The following DSC2 variants were observed in gnomAD, a reference collection of about 807,000 sequenced individuals.
DSC2 encodes desmocollin-2.
A neutral mutation model predicts 87.6 loss-of-function variants in DSC2; 51 were observed. The observed-to-expected ratio is 0.58, with a 90% confidence interval of 0.46 to 0.74. The LOEUF (loss-of-function observed/expected upper bound fraction) is 0.74, where lower values mean the gene tolerates loss of function less well. Among genes scored for constraint, DSC2 ranks in the 30% least tolerant of loss-of-function variants. The pLI is 0.00. For synonymous variants in DSC2, 383 were observed against 393.2 expected (o/e 0.97, Z 0.31); for missense variants, 1,066 against 1,089.5 (o/e 0.98, Z 0.30).
At position 31,061,438 on chromosome 18, in the gene DSC2, A is replaced by G. The variant is rs575834872; in HGVS notation, c.*6577T>C. 6.6e-6 allele frequency: 1 copy of G among 152,242 alleles called. No homozygotes were observed. The highest frequency in any genetic ancestry group is 1.9e-4 in the East Asian group (1 of 5,198). 9.4% of individuals were successfully genotyped at this position (152,242 alleles called of 1,614,324 possible). ...TCCCATGCACCAACTATCACTCCAT[A>G]CGGAGGCACATCAGTGAGTATCTCT... On this transcript the variant is annotated 3_prime_UTR_variant, in exon 16 of 16. Transcript: ENST00000280904.
intron 14 of DSC2, among the ~76,000 whole-genome samples, chr18:31,070,363 G>C (rs941751909): frequency 3.3e-5 from 5 of 152,166 alleles, no homozygotes; most frequent in Non-Finnish European, 7.3e-5. Context: ...ATTGTTGCCA[G>C]AAAATGTAAA....
In DSC2 at chr18:31,063,559, A is replaced by T. The variant is rs1303935125; in HGVS notation, c.*4456T>A. 1 of 152,172 alleles carries T rather than the reference A, an allele frequency of 6.6e-6. No individual in the cohort carries two copies. The highest frequency in any genetic ancestry group is 1.5e-5 in the Non-Finnish European group (1 of 68,036). The allele number at this position is 152,172 out of a possible 1,614,324, so 9.4% of individuals were successfully genotyped here. A position where few individuals can be genotyped will look rare whatever the true frequency, so the allele number is the denominator to read the frequency against. On this transcript the variant is annotated 3_prime_UTR_variant, in exon 16 of 16. Transcript: ENST00000280904. ...AAAGAAAGAGACAATGAGTAAAGAC[A>T]TTGTAAAAAGAGAACTAATCATGAG...
chr18:31,077,622 T>C (rs184231333), intron 11 of DSC2, among the ~76,000 whole-genome samples: 132 of 152,322 alleles, frequency 8.7e-4, no homozygotes, highest in Non-Finnish European at 1.7e-3. Flanking sequence ...CTGTTTTTCA[T>C]ATGCTGATGA....
At chr18:31,071,128 C>T (rs1361029430) in intron 13 of DSC2, among the ~76,000 whole-genome samples, 1 of 151,716 alleles carries the variant, frequency 6.6e-6, no homozygotes, top group Non-Finnish European at 1.5e-5. Flanking sequence ...TCTATAATAA[C>T]TAAGACACTA....
intron 11 of DSC2, among the ~76,000 whole-genome samples, chr18:31,076,151 CA>C (rs1397432085): frequency 6.6e-6 from 1 of 152,156 alleles, no homozygotes; most frequent in East Asian, 1.9e-4. Context: ...ATGAAGCTGC[CA>C]AGCTCGGGAA....
chr18:31,081,389 T>C (rs1430884085), intron 9 of DSC2, among the ~76,000 whole-genome samples: 1 of 152,130 alleles, frequency 6.6e-6, no homozygotes, highest in African/African-American at 2.4e-5. Context: ...AAGACAGAAA[T>C]TTTTTCAGGT....
At position 31,061,574 on chromosome 18, in the gene DSC2, T is replaced by A. The variant is rs1047025678; in HGVS notation, c.*6441A>T. The A allele has an allele frequency of 2.6e-5, 4 of 152,172 alleles. No individual in the cohort carries two copies. The highest frequency in any genetic ancestry group is 7.2e-5 in the African/African-American group (3 of 41,446). 9.4% of individuals were successfully genotyped at this position (152,172 alleles called of 1,614,324 possible). A position where few individuals can be genotyped will look rare whatever the true frequency, so the allele number is the denominator to read the frequency against. On this transcript the variant is annotated 3_prime_UTR_variant, in exon 16 of 16. Transcript: ENST00000280904. ...CCTCTATAAAACAAGATTTAGGGTG[T>A]GTTCTTTTAAATTAAAGTGCTCTGT... is the stretch of plus-strand genomic sequence containing the variant.
chr18:31,061,191 C>T lies in DSC2; in HGVS notation c.*6824G>A, dbSNP rs879903182. On this transcript the variant is annotated 3_prime_UTR_variant, in exon 16 of 16. Coordinates refer to ENST00000280904, the MANE Select transcript of DSC2 (RefSeq NM_024422.6). ...AAACACACTCTAAAAATTATACAAG[C>T]GAATATATCAGCAAGTTTGCCTTCA... The T allele has an allele frequency of 3.3e-5, 5 of 152,274 alleles. No homozygotes were observed. Among genetic ancestry groups the T allele is most frequent in the Middle Eastern group, 3.4e-3 (1 of 294 alleles). The allele number at this position is 152,274 out of a possible 1,614,324, so 9.4% of individuals were successfully genotyped here.
chr18:31,075,080 C>T (rs1309995282), intron 11 of DSC2, among the ~76,000 whole-genome samples, 173 bp from the exon 12 acceptor site: 5 of 152,158 alleles, frequency 3.3e-5, no homozygotes. Flanking sequence ...GTATTACTTT[C>T]ATATGGGTTG....
At chr18:31,086,818 C>T in intron 6 of DSC2, 76 bp from the exon 7 acceptor site, 1 of 1,525,606 alleles carries the variant, frequency 6.6e-7, no homozygotes, top group Non-Finnish European at 8.9e-7. Flanking sequence ...TCCTTTTCAC[C>T]CACCTCAAAA....
In DSC2 at chr18:31,068,974, T is replaced by C; in HGVS notation, c.2428A>G (p.Arg810Gly). The change falls in exon 15 of 16, where the codon AGG (arginine) becomes GGG (glycine). Residue 810 changes from arginine (R) to glycine (G), a missense_variant. Coordinates refer to ENST00000280904, the MANE Select transcript of DSC2 (RefSeq NM_024422.6). ...AGHHHTLDSC[R>G]GGHTEVDNCR... ...TTGTCCACCTCCGTGTGTCCTCCCC[T>C]GCAGGAGTCCAGGGTGTGATGGTGG... 6.2e-6 allele frequency: 10 copies of C among 1,614,090 alleles called. No homozygotes were observed. Among genetic ancestry groups the C allele is most frequent in the Non-Finnish European group, 8.5e-6 (10 of 1,179,996 alleles).
intron 3 of DSC2, among the ~76,000 whole-genome samples, chr18:31,091,849 T>A (rs779607927): frequency 5.9e-5 from 9 of 152,170 alleles, no homozygotes; most frequent in Non-Finnish European, 8.8e-5. Context: ...CTGCTTTGTG[T>A]CTAATCTCAC....
chr18:31,075,775 G>A (rs934317672), intron 11 of DSC2, among the ~76,000 whole-genome samples: 1 of 152,042 alleles, frequency 6.6e-6, no homozygotes, highest in Admixed American at 6.6e-5. Context: ...GCTTGAACCC[G>A]GGAGGCGGAG....
Position 31,082,421 on chromosome 18 carries a change from A to G in DSC2, c.1080T>C (p.Tyr360=), listed in dbSNP as rs757613213. Residue 360 remains tyrosine, a splice_region_variant and synonymous_variant, in exon 9 of 16, where the codon TAT becomes TAC. Transcript: ENST00000280904. ...DHLPTFTRTS[Y]VTSVEENTVD... ...CTGTATTTTCTTCCACTGATGTCAC[A>G]TACTAAAATAATAAAAGCAAACAAA... The G allele has an allele frequency of 6.2e-7, 1 of 1,612,974 alleles. No individual in the cohort carries two copies. The highest frequency in any genetic ancestry group is 8.5e-7 in the Non-Finnish European group (1 of 1,179,870).
chr18:31,069,043 C>G lies in DSC2; in HGVS notation c.2359G>C (p.Val787Leu). Reference sequence around the variant, plus strand: ...TCCGAGGTCTGGTGTCCTCCTTTCACCATTTCGATGGTCTCCTGACCTCCG... The same window carrying G: ...TCCGAGGTCTGGTGTCCTCCTTTCAGCATTTCGATGGTCTCCTGACCTCCG... Reference protein sequence around the residue: ...KNGGQETIEMVKGGHQTSESC... With the variant: ...KNGGQETIEMLKGGHQTSESC... The change falls in exon 15 of 16, where the codon GTG becomes CTG. Residue 787 changes from valine to leucine, a missense_variant. Physicochemically the swap from Val to Leu is conservative, Grantham distance 32 (BLOSUM62 1). Transcript: ENST00000280904. 6.2e-7 allele frequency: 1 copy of G among 1,614,130 alleles called. No homozygotes were observed. Among genetic ancestry groups the G allele is most frequent in the South Asian group, 1.1e-5 (1 of 91,082 alleles).
chr18:31,091,472 G>A (rs1598590710), intron 3 of DSC2: 1 of 486,420 alleles, frequency 2.1e-6, no homozygotes, highest in East Asian at 6.0e-5. Context: ...AGAGAGATAT[G>A]CAAAGAAAAT....
intron 3 of DSC2, chr18:31,091,493 G>A (rs1356766948): frequency 2.1e-6 from 1 of 471,002 alleles, no homozygotes; most frequent in South Asian, 1.5e-5. Flanking sequence ...AAGTGTGTAT[G>A]TGCCCTTCTA....
rs1368180963 is a variant in DSC2 at position 31,059,162 on chromosome 18, A to C, written c.*8853T>G. 1 of 152,208 alleles carries C rather than the reference A, an allele frequency of 6.6e-6. No individual in the cohort carries two copies. Among genetic ancestry groups the C allele is most frequent in the Non-Finnish European group, 1.5e-5 (1 of 68,028 alleles). The allele number at this position is 152,208 out of a possible 1,614,324, so 9.4% of individuals were successfully genotyped here. ...GCATGGAGAATGCGATGCATTGTGC[A>C]AAGATTAACTGTGATTGTGTCTACT... On this transcript the variant is annotated 3_prime_UTR_variant, in exon 16 of 16. Coordinates refer to ENST00000280904, the MANE Select transcript of DSC2 (RefSeq NM_024422.6).
chr18:31,071,940 C>T, intron 12 of DSC2, 99 bp from the exon 13 acceptor site: 3 of 1,102,414 alleles, frequency 2.7e-6, no homozygotes, highest in African/African-American at 3.1e-5. Context: ...TTCCTAGAAA[C>T]AGATATTCCT....
Sources: allele counts gnomAD v4.1 joint callset (sites outside exome capture counted in the v4.1 genomes callset), GRCh38; gene constraint gnomAD v4.1.1; transcripts MANE v1.5; gene names NCBI Gene and HGNC (gene_info 2026-07-23, HGNC 2026-07-21).